Variants in IL1RAPL2 observed in about 807,000 individuals in gnomAD.
The protein encoded by IL1RAPL2 is X-linked interleukin-1 receptor accessory protein-like 2.
A neutral mutation model predicts 44.1 loss-of-function variants in IL1RAPL2; 3 were observed. The observed-to-expected ratio is 0.07, with a 90% CI of 0.03 to 0.18. IL1RAPL2 has a LOEUF of 0.18. Among genes scored for constraint, IL1RAPL2 ranks in the 10% least tolerant of loss-of-function variants. IL1RAPL2 has a pLI of 1.00. For synonymous variants in IL1RAPL2, 181 were observed against 178.8 expected, an observed-to-expected ratio of 1.01 and a Z score of -0.10; for missense variants, 391 against 496.4, an observed-to-expected ratio of 0.79 and a Z score of 2.02.
At chrX:105,716,694 A>ATTACCTAATT (rs1179449673) in intron 6 of IL1RAPL2, among the ~76,000 whole-genome samples, 2 of 111,932 alleles carry the variant, frequency 1.8e-5, no homozygotes, top group Non-Finnish European at 3.8e-5. Flanking sequence ...TATAGTTTAT[A>ATTACCTAATT]TTACCTAATT....
intron 5 of IL1RAPL2, among the ~76,000 whole-genome samples, chrX:105,322,277 G>A (rs980695172): frequency 8.9e-6 from 1 of 112,633 alleles, no homozygotes; most frequent in Admixed American, 9.4e-5. Flanking sequence ...TAATTTGTTT[G>A]TATTAGTTTT....
At chrX:104,677,418 G>T (rs757960272) in intron 2 of IL1RAPL2, among the ~76,000 whole-genome samples, 31 of 111,289 alleles carry the variant, frequency 2.8e-4, no homozygotes, top group African/African-American at 1.0e-3. Flanking sequence ...CAGGGTTCAG[G>T]GGTCAGGGAC....
chrX:105,379,039 A>T (rs774799509), intron 5 of IL1RAPL2, among the ~76,000 whole-genome samples: 2 of 111,766 alleles, frequency 1.8e-5, no homozygotes, highest in Non-Finnish European at 3.8e-5. Flanking sequence ...GGATTTAATG[A>T]TGTCTGAGGT....
At chrX:105,252,923 A>G (rs1200592705) in intron 4 of IL1RAPL2, among the ~76,000 whole-genome samples, 1 of 96,689 alleles carries the variant, frequency 1.0e-5, no homozygotes, top group Non-Finnish European at 1.9e-5. Context: ...CTCTCAAAAG[A>G]GCAAAATTAT....
intron 2 of IL1RAPL2, among the ~76,000 whole-genome samples, chrX:104,719,128 A>G (rs1385529028): frequency 1.8e-5 from 2 of 112,361 alleles, no homozygotes; most frequent in Non-Finnish European, 3.8e-5. Flanking sequence ...AGAAACAAAG[A>G]CAAAACTACT....
chrX:104,795,820 T>C (rs1286732808), intron 2 of IL1RAPL2, among the ~76,000 whole-genome samples: 2 of 112,301 alleles, frequency 1.8e-5, no homozygotes, highest in Admixed American at 9.5e-5. Context: ...CACAAGGATG[T>C]CATCTTCAGG....
At chrX:105,332,031 A>G (rs187770093) in intron 5 of IL1RAPL2, among the ~76,000 whole-genome samples, 1 of 109,855 alleles carries the variant, frequency 9.1e-6, no homozygotes, top group Non-Finnish European at 1.9e-5. Flanking sequence ...ACAAGTAGGC[A>G]GGAAGGATCA....
intron 3 of IL1RAPL2, among the ~76,000 whole-genome samples, chrX:105,228,253 C>T (rs886669833): frequency 8.9e-6 from 1 of 111,993 alleles, no homozygotes; most frequent in African/African-American, 3.2e-5. Context: ...ATAAGACAAT[C>T]GAATAAATCA....
intron 4 of IL1RAPL2, among the ~76,000 whole-genome samples, chrX:105,257,592 A>AACTTGCTT (rs758797100): frequency 5.7e-4 from 64 of 112,172 alleles, no homozygotes; most frequent in South Asian, 1.1e-3. Context: ...GGTCTCTAAG[A>AACTTGCTT]ACTTGCTTTA....
chrX:104,889,234 C>T (rs1481845618), intron 2 of IL1RAPL2, among the ~76,000 whole-genome samples: 1 of 111,271 alleles, frequency 9.0e-6, no homozygotes, highest in Non-Finnish European at 1.9e-5. Flanking sequence ...GCAGCAGTGC[C>T]CCCACCACTA....
At chrX:105,414,586 A>G (rs1283766787) in intron 5 of IL1RAPL2, among the ~76,000 whole-genome samples, 1 of 111,599 alleles carries the variant, frequency 9.0e-6, no homozygotes, top group African/African-American at 3.3e-5. Flanking sequence ...TAGTGGGCCA[A>G]GCTTGTTTCT....
intron 1 of IL1RAPL2, among the ~76,000 whole-genome samples, chrX:104,604,972 T>G (rs1285263602): frequency 3.6e-5 from 4 of 111,165 alleles, no homozygotes; most frequent in Non-Finnish European, 7.5e-5. Context: ...GCAGACCTAA[T>G]AGACATCTAC....
intron 2 of IL1RAPL2, among the ~76,000 whole-genome samples, chrX:105,015,798 C>A (rs778271250): frequency 2.0e-4 from 22 of 111,713 alleles, no homozygotes; most frequent in African/African-American, 6.8e-4. Flanking sequence ...GCTATGCGGG[C>A]TCTTTTTGAT....
At chrX:105,452,683 C>T (rs761261232) in intron 5 of IL1RAPL2, among the ~76,000 whole-genome samples, 2 of 110,661 alleles carry the variant, frequency 1.8e-5, no homozygotes, top group South Asian at 3.8e-4. Flanking sequence ...AGGGGGGGGA[C>T]ATTGATTGTC....
At chrX:104,831,684 G>T (rs1921611921) in intron 2 of IL1RAPL2, among the ~76,000 whole-genome samples, 1 of 111,654 alleles carries the variant, frequency 9.0e-6, no homozygotes, top group Non-Finnish European at 1.9e-5. Context: ...TCTGATAACT[G>T]ATCTCTTTCA....
intron 6 of IL1RAPL2, among the ~76,000 whole-genome samples, chrX:105,665,850 T>C (rs1288786025): frequency 1.9e-5 from 2 of 106,521 alleles, no homozygotes; most frequent in African/African-American, 6.9e-5. Flanking sequence ...GCAAGCTCTG[T>C]CTCCTGAGTT....
chrX:104,813,317 GAGA>G (rs1921044620), intron 2 of IL1RAPL2, among the ~76,000 whole-genome samples: 2 of 111,577 alleles, frequency 1.8e-5, no homozygotes, highest in Admixed American at 9.6e-5. Context: ...AAGGATTTCA[GAGA>G]AGATCAGTGG....
intron 2 of IL1RAPL2, among the ~76,000 whole-genome samples, chrX:105,059,055 AT>A (rs1297939131): frequency 1.4e-4 from 16 of 112,111 alleles, no homozygotes; most frequent in Admixed American, 9.4e-4. Context: ...ACAATGCATA[AT>A]AATTCACGTC....
intron 6 of IL1RAPL2, among the ~76,000 whole-genome samples, chrX:105,488,427 C>T (rs1337106351): frequency 8.9e-6 from 1 of 112,106 alleles, no homozygotes; most frequent in African/African-American, 3.2e-5. Context: ...GGAAGTGGAT[C>T]CTCCAGCCCT....
Sources: allele counts gnomAD v4.1 joint callset (sites outside exome capture counted in the v4.1 genomes callset), GRCh38; gene constraint gnomAD v4.1.1; transcripts MANE v1.5; gene names NCBI Gene and HGNC (gene_info 2026-07-23, HGNC 2026-07-21).